The following SGCZ variants were observed in gnomAD, a reference collection of about 807,000 sequenced individuals.
SGCZ encodes the protein zeta-sarcoglycan.
A neutral mutation model predicts 41.3 loss-of-function variants in SGCZ; 40 were observed. The observed-to-expected ratio is 0.97, with a 90% confidence interval of 0.75 to 1.26. The LOEUF (loss-of-function observed/expected upper bound fraction) is 1.26. Among genes scored for constraint, SGCZ ranks in the 50% most tolerant of loss-of-function variants. The pLI is 0.00. For missense variants in SGCZ, 552 were observed against 369.8 expected, an observed-to-expected ratio of 1.49 and a Z score of -4.04; for synonymous variants, 206 against 137.5, an observed-to-expected ratio of 1.50 and a Z score of -3.49.
intron 1 of SGCZ, among the ~76,000 whole-genome samples, chr8:15,235,606 C>G (rs1426748948): frequency 6.6e-6 from 1 of 152,234 alleles, no homozygotes; most frequent in South Asian, 2.1e-4. Flanking sequence ...TGACATTAAG[C>G]TGAGATCTTC....
intron 1 of SGCZ, among the ~76,000 whole-genome samples, chr8:14,749,322 C>G (rs544793724): frequency 8.5e-5 from 13 of 152,236 alleles, no homozygotes; most frequent in African/African-American, 3.1e-4. Context: ...AAACCGAATG[C>G]TCAACATGAT....
At position 14,242,215 on chromosome 8, in the gene SGCZ, A is replaced by T. The variant is rs79861730; in HGVS notation, c.337-4536T>A. On this transcript the variant is annotated intron_variant, in intron 3 of 7. Coordinates refer to ENST00000382080, the MANE Select transcript of SGCZ (RefSeq NM_139167.4). Reference sequence around the variant, plus strand: ...GTTTCAGGTAAGGATTTAGCTTCAGATGCTCATTCTCTCCAGTTTAACTAT... The same window carrying T: ...GTTTCAGGTAAGGATTTAGCTTCAGTTGCTCATTCTCTCCAGTTTAACTAT... Among the ~76,000 whole-genome samples the T allele has an allele frequency of 7.6e-3, 1,161 of 152,322 alleles. 45 individuals carry two copies. Among genetic ancestry groups the T allele is most frequent in the Admixed American group, 0.056 (863 of 15,302 alleles).
intron 1 of SGCZ, among the ~76,000 whole-genome samples, chr8:15,097,913 T>G (rs1806445476): frequency 1.2e-5 from 1 of 86,358 alleles, no homozygotes; most frequent in Non-Finnish European, 2.5e-5. Context: ...TATATATACG[T>G]GTGTATATAT....
chr8:14,593,575 G>C (rs1000601505), intron 1 of SGCZ, among the ~76,000 whole-genome samples: 1 of 152,056 alleles, frequency 6.6e-6, no homozygotes, highest in South Asian at 2.1e-4. Context: ...TTTTCAGTTT[G>C]GAAAGGATGG....
chr8:15,221,955 G>C (rs946212285), intron 1 of SGCZ, among the ~76,000 whole-genome samples: 2 of 152,168 alleles, frequency 1.3e-5, no homozygotes, highest in Non-Finnish European at 2.9e-5. Context: ...TTCAATTGTA[G>C]CTTTTGCATT....
At chr8:14,966,055 A>C (rs1388383195) in intron 1 of SGCZ, among the ~76,000 whole-genome samples, 1 of 152,082 alleles carries the variant, frequency 6.6e-6, no homozygotes, top group African/African-American at 2.4e-5. Flanking sequence ...TAATGAATTT[A>C]CTTATGTCAA....
intron 2 of SGCZ, among the ~76,000 whole-genome samples, chr8:14,384,281 C>A (rs1274364079): frequency 6.6e-6 from 1 of 152,064 alleles, no homozygotes; most frequent in East Asian, 1.9e-4. Flanking sequence ...CATGTCCCTA[C>A]AAAGGACATG....
chr8:14,457,327 G>C (rs920408506), intron 2 of SGCZ, among the ~76,000 whole-genome samples: 1 of 152,208 alleles, frequency 6.6e-6, no homozygotes, highest in African/African-American at 2.4e-5. Flanking sequence ...TTGGTCTAGC[G>C]GTGACGCCAG....
chr8:14,457,873 C>T (rs1317385443), intron 2 of SGCZ, among the ~76,000 whole-genome samples: 3 of 152,108 alleles, frequency 2.0e-5, no homozygotes, highest in Admixed American at 6.5e-5. Context: ...GGGCCACTAC[C>T]GGTCTCCGCG....
chr8:14,143,762 C>T (rs1803441643), intron 5 of SGCZ, among the ~76,000 whole-genome samples: 1 of 152,124 alleles, frequency 6.6e-6, no homozygotes, highest in Non-Finnish European at 1.5e-5. Context: ...GTCAATGCCA[C>T]CCTTCCCCTC....
At chr8:14,787,768 C>T (rs1247902234) in intron 1 of SGCZ, among the ~76,000 whole-genome samples, 3 of 152,046 alleles carry the variant, frequency 2.0e-5, no homozygotes, top group African/African-American at 7.2e-5. Context: ...ATCGCTTGAA[C>T]TCGGGATGCG....
intron 1 of SGCZ, among the ~76,000 whole-genome samples, chr8:14,644,498 A>G (rs1028739845): frequency 2.0e-5 from 3 of 151,244 alleles, no homozygotes; most frequent in African/African-American, 7.3e-5. Flanking sequence ...GTGCCAGCCA[A>G]TTTTTAAAAA....
At chr8:15,095,530 G>T (rs573204622) in intron 1 of SGCZ, among the ~76,000 whole-genome samples, 21 of 152,106 alleles carry the variant, frequency 1.4e-4, no homozygotes, top group Non-Finnish European at 2.9e-4. Flanking sequence ...GAATGTATTT[G>T]AATTCGTAGT....
At chr8:14,754,091 G>A (rs1453871040) in intron 1 of SGCZ, among the ~76,000 whole-genome samples, 1 of 152,038 alleles carries the variant, frequency 6.6e-6, no homozygotes, top group Non-Finnish European at 1.5e-5. Context: ...ATTGAGTTTT[G>A]GAGCTAAAGT....
intron 1 of SGCZ, among the ~76,000 whole-genome samples, chr8:15,228,654 T>C (rs1398614328): frequency 1.3e-5 from 2 of 152,188 alleles, no homozygotes; most frequent in African/African-American, 2.4e-5. Context: ...GATGATTCAC[T>C]ACAAAGGCCA....
At chr8:14,838,835 G>A (rs545162944) in intron 1 of SGCZ, among the ~76,000 whole-genome samples, 6 of 152,188 alleles carry the variant, frequency 3.9e-5, no homozygotes, top group East Asian at 3.9e-4. Flanking sequence ...CAGTTCCTCC[G>A]GACTGATGCC....
At chr8:14,857,353 A>G (rs1803577612) in intron 1 of SGCZ, among the ~76,000 whole-genome samples, 1 of 152,162 alleles carries the variant, frequency 6.6e-6, no homozygotes, top group Non-Finnish European at 1.5e-5. Context: ...AATACACTAG[A>G]TAATGAGATT....
chr8:14,512,606 C>A (rs1471744675), intron 2 of SGCZ, among the ~76,000 whole-genome samples: 1 of 143,180 alleles, frequency 7.0e-6, no homozygotes. Flanking sequence ...GCTACAGGTA[C>A]AAGGCATTAC....
intron 1 of SGCZ, among the ~76,000 whole-genome samples, chr8:15,028,316 T>C (rs865787238): frequency 5.3e-5 from 8 of 152,236 alleles, no homozygotes; most frequent in Middle Eastern, 3.4e-3. Context: ...CTGACGTCTT[T>C]CGAAGTTGAA....
Sources: allele counts gnomAD v4.1 joint callset (sites outside exome capture counted in the v4.1 genomes callset), GRCh38; gene constraint gnomAD v4.1.1; transcripts MANE v1.5; gene names NCBI Gene and HGNC (gene_info 2026-07-23, HGNC 2026-07-21).